RNF144A: variants seen among roughly 807,000 people sequenced by gnomAD.
RNF144A encodes E3 ubiquitin-protein ligase RNF144A.
A neutral mutation model predicts 38.7 loss-of-function variants in RNF144A; 11 were observed. That is an observed-to-expected ratio of 0.28 (90% confidence interval 0.18 to 0.47). RNF144A has a LOEUF of 0.47. Ranked by LOEUF, RNF144A falls within the 20% of genes least tolerant of loss-of-function variation. The probability of loss-of-function intolerance (pLI) is 0.99; values close to 1 mark genes in which losing one functional copy is unlikely to be tolerated. For missense variants in RNF144A, 316 were observed against 377.2 expected, an observed-to-expected ratio of 0.84 and a Z score of 1.34; for synonymous variants, 149 against 143.9, an observed-to-expected ratio of 1.04 and a Z score of -0.25.
In RNF144A at chr2:7,020,453, A is replaced by G. The variant is rs1326636400; in HGVS notation, c.302-20A>G. 5 of 1,607,510 alleles carry G rather than the reference A, an allele frequency of 3.1e-6. No individual in the cohort carries two copies. Among genetic ancestry groups the G allele is most frequent in the Admixed American group, 1.7e-5 (1 of 59,900 alleles). ...CCTCTGGCTTAAGTTTGATTTGTCCATTTTGTCTCACTGTACCAGAGGTGC... is the reference window on the plus strand; with the variant it reads ...CCTCTGGCTTAAGTTTGATTTGTCCGTTTTGTCTCACTGTACCAGAGGTGC... On this transcript the variant is annotated intron_variant, in intron 5 of 8. Transcript: ENST00000320892.
chr2:7,036,887 G>A (rs1441735735), intron 8 of RNF144A, among the ~76,000 whole-genome samples: 3 of 152,266 alleles, frequency 2.0e-5, no homozygotes, highest in Middle Eastern at 3.4e-3. Context: ...AACCTGGGTC[G>A]GACATTGATT....
chr2:6,938,693 G>A (rs1341005892), intron 1 of RNF144A, among the ~76,000 whole-genome samples: 1 of 152,094 alleles, frequency 6.6e-6, no homozygotes, highest in Non-Finnish European at 1.5e-5. Context: ...GGTCTTTTCA[G>A]TACCCTCCAA....
Position 6,943,976 on chromosome 2 carries a change from C to T in RNF144A, c.-12+2829C>T, listed in dbSNP as rs1464729758. Among the ~76,000 whole-genome samples the T allele has an allele frequency of 6.6e-6, 1 of 152,048 alleles. No individual in the cohort carries two copies. The highest frequency in any genetic ancestry group is 1.5e-5 in the Non-Finnish European group (1 of 68,012). Reference sequence around the variant, plus strand: ...GTGACTGCATGCTTCTCTAGACAGCCCTGATGGGGAGTTGAAGTGTGCAGG... The same window carrying T: ...GTGACTGCATGCTTCTCTAGACAGCTCTGATGGGGAGTTGAAGTGTGCAGG... On this transcript the variant is annotated intron_variant, in intron 2 of 8. Coordinates refer to ENST00000320892, the MANE Select transcript of RNF144A (RefSeq NM_014746.6). This position sits in a 1 kb window ranked among gnomAD's most constrained non-coding sequence, Gnocchi z 4.3.
chr2:7,001,974 ATTGAG>A (rs974251637), intron 3 of RNF144A, among the ~76,000 whole-genome samples: 6 of 152,236 alleles, frequency 3.9e-5, no homozygotes, highest in African/African-American at 1.4e-4. Context: ...GGTATAAAGT[ATTGAG>A]CAGTAGCATG....
chr2:6,978,986 C>G (rs771652783), intron 2 of RNF144A: 1 of 152,686 alleles, frequency 6.5e-6, no homozygotes, highest in East Asian at 1.9e-4. Context: ...TCTGGGCTGC[C>G]TCTCTGTCTC....
intron 8 of RNF144A, 92 bp downstream of exon 8, chr2:7,030,307 A>T: frequency 1.6e-6 from 1 of 624,422 alleles, no homozygotes; most frequent in Non-Finnish European, 2.7e-6. Flanking sequence ...GTGTGTGTGT[A>T]TGTATATCTT....
intron 6 of RNF144A, among the ~76,000 whole-genome samples, chr2:7,023,109 A>G (rs988759016): frequency 2.6e-5 from 4 of 152,304 alleles, no homozygotes; most frequent in African/African-American, 9.6e-5. Context: ...TGAGACACGT[A>G]ACACATAAAT....
At chr2:6,969,054 G>A (rs2103343268) in intron 2 of RNF144A, among the ~76,000 whole-genome samples, 1 of 152,314 alleles carries the variant, frequency 6.6e-6, no homozygotes, top group East Asian at 1.9e-4. Flanking sequence ...CCCCATCCTT[G>A]GGGCTAAATA....
chr2:6,981,815 G>A (rs777499823), intron 2 of RNF144A, among the ~76,000 whole-genome samples: 4 of 152,114 alleles, frequency 2.6e-5, no homozygotes, highest in Admixed American at 1.3e-4. Flanking sequence ...CCAATTTTCT[G>A]TATTAGTCTG....
intron 2 of RNF144A, among the ~76,000 whole-genome samples, chr2:6,966,120 T>C (rs1667653392): frequency 6.6e-6 from 1 of 152,186 alleles, no homozygotes; most frequent in Non-Finnish European, 1.5e-5. Context: ...ACTGTGTGAG[T>C]ATGATTATGA....
At chr2:7,056,817 G>C (rs968131823) in intron 6 of RNF144A, among the ~76,000 whole-genome samples, 14 of 152,284 alleles carry the variant, frequency 9.2e-5, no homozygotes, top group Non-Finnish European at 1.8e-4. Context: ...ATCTCCTTGT[G>C]GCTTCCTTGT....
At position 7,043,722 on chromosome 2, in the gene RNF144A, G is replaced by A; in HGVS notation, c.*3962G>A. ...GCCGTCTTGATGTTTAAAAAACCCA[G>A]GGTCTCCACCCTTCCTTTGATTTGT... On this transcript the variant is annotated 3_prime_UTR_variant, in exon 9 of 9. Transcript: ENST00000320892. 1.0e-6 allele frequency: 1 copy of A among 985,834 alleles called. No individual in the cohort carries two copies. The highest frequency in any genetic ancestry group is 4.7e-5 in the South Asian group (1 of 21,284). 61.1% of individuals were successfully genotyped at this position (985,834 alleles called of 1,614,324 possible). A position where few individuals can be genotyped will look rare whatever the true frequency, so the allele number is the denominator to read the frequency against.
intron 7 of RNF144A, among the ~76,000 whole-genome samples, chr2:7,026,897 C>T (rs1185061723): frequency 2.0e-5 from 3 of 152,194 alleles, no homozygotes; most frequent in African/African-American, 7.2e-5. Context: ...TCCTCATGGC[C>T]GTGCAGAGTT....
At chr2:6,935,969 C>G (rs1407803809) in intron 1 of RNF144A, among the ~76,000 whole-genome samples, 2 of 152,246 alleles carry the variant, frequency 1.3e-5, no homozygotes, top group African/African-American at 4.8e-5. Context: ...CTTCCTTTCT[C>G]CCATCAGATG....
intron 6 of RNF144A, among the ~76,000 whole-genome samples, chr2:7,065,692 G>C (rs1572501230): frequency 1.3e-5 from 2 of 152,308 alleles, no homozygotes; most frequent in Non-Finnish European, 2.9e-5. Context: ...ATATTTTTAA[G>C]CATGGCCATA....
chr2:6,969,447 C>G (rs1221548696), intron 2 of RNF144A, among the ~76,000 whole-genome samples: 1 of 152,136 alleles, frequency 6.6e-6, no homozygotes, highest in Non-Finnish European at 1.5e-5. Flanking sequence ...GATCCTTCCT[C>G]CCAGCCTCAG....
chr2:7,060,428 G>A (rs893249080), intron 6 of RNF144A, among the ~76,000 whole-genome samples: 16 of 152,280 alleles, frequency 1.1e-4, no homozygotes, highest in Non-Finnish European at 2.1e-4. Flanking sequence ...TCAGGCACAC[G>A]ATGACCTGCA....
intron 8 of RNF144A, among the ~76,000 whole-genome samples, chr2:7,038,753 T>A (rs1672844767): frequency 1.3e-5 from 2 of 151,786 alleles, no homozygotes; most frequent in African/African-American, 4.8e-5. Flanking sequence ...ACTGGTGAAT[T>A]GATGGGCAGA....
At chr2:6,964,101 A>G (rs939568389) in intron 2 of RNF144A, among the ~76,000 whole-genome samples, 2 of 151,980 alleles carry the variant, frequency 1.3e-5, no homozygotes, top group Non-Finnish European at 2.9e-5. Flanking sequence ...AAAACACAAC[A>G]CAGCAAGAGA....
Sources: gnomAD v4.1 joint callset for allele counts (sites outside exome capture counted in the v4.1 genomes callset) on GRCh38, gnomAD v4.1.1 for gene constraint, Gnocchi (gnomAD v3.1) non-coding constraint, MANE v1.5 for transcripts, NCBI Gene and HGNC (gene_info 2026-07-23, HGNC 2026-07-21) for gene names.